The following TMEM64 variants were observed in gnomAD, a reference collection of about 807,000 sequenced individuals.
The protein encoded by TMEM64 is transmembrane protein 64.
In TMEM64, 19 loss-of-function variants were observed where a neutral mutation model predicts 24.5. The observed-to-expected ratio is 0.78, with a 90% CI of 0.54 to 1.14. TMEM64 has a LOEUF of 1.14. Ranked by LOEUF, TMEM64 falls within the 50% of genes most tolerant of loss-of-function variation. TMEM64 has a pLI of 0.00. For synonymous variants in TMEM64, 262 were observed against 224.7 expected, an observed-to-expected ratio of 1.17 and a Z score of -1.49; for missense variants, 487 against 493.0, an observed-to-expected ratio of 0.99 and a Z score of 0.12.
At position 90,626,625 on chromosome 8, in the gene TMEM64, C is replaced by T. The variant is rs375750515; in HGVS notation, c.952-763G>A. On this transcript the variant is annotated intron_variant, in intron 2 of 2. Transcript: ENST00000458549. ...TGTGGTCCCTCTGTACTTTTTTTTTCTTTCTTTTTTTTTTTTTTTTTTTGA... is the reference window on the plus strand; with the variant it reads ...TGTGGTCCCTCTGTACTTTTTTTTTTTTTCTTTTTTTTTTTTTTTTTTTGA... Among the ~76,000 whole-genome samples the T allele has an allele frequency of 1.7e-3, 187 of 112,400 alleles. 1 individual carries two copies. The highest frequency in any genetic ancestry group is 4.2e-3 in the African/African-American group (96 of 22,872). 73.7% of individuals were successfully genotyped at this position (112,400 alleles called of 152,430 possible).
intron 2 of TMEM64, among the ~76,000 whole-genome samples, chr8:90,628,106 A>G (rs1809386595): frequency 6.6e-6 from 1 of 152,192 alleles, no homozygotes; most frequent in Non-Finnish European, 1.5e-5. Context: ...TCCTTAGCTG[A>G]GTGAAGTGTT....
At chr8:90,644,761 T>C (rs1477589916) in intron 1 of TMEM64, among the ~76,000 whole-genome samples, 4 of 152,208 alleles carry the variant, frequency 2.6e-5, no homozygotes, top group Non-Finnish European at 5.9e-5. Context: ...AAAGCTTTCC[T>C]CCCTAAATGT....
Position 90,645,041 on chromosome 8 carries a change from C to G in TMEM64, c.795+70G>C. 1 of 1,503,412 alleles carries G rather than the reference C, an allele frequency of 6.7e-7. No individual in the cohort carries two copies. Among genetic ancestry groups the G allele is most frequent in the Admixed American group, 2.0e-5 (1 of 49,532 alleles). 93.1% of individuals were successfully genotyped at this position (1,503,412 alleles called of 1,614,324 possible). A position where few individuals can be genotyped will look rare whatever the true frequency, so the allele number is the denominator to read the frequency against. On this transcript the variant is annotated intron_variant, in intron 1 of 2. Coordinates refer to ENST00000458549, the MANE Select transcript of TMEM64 (RefSeq NM_001008495.4). This position sits in a 1 kb window ranked among gnomAD's most constrained non-coding sequence, Gnocchi z 4.2. ...GCTGGTATTTATCTGATAGAGCGCC[C>G]TCCTAGGGCCGCCACAAGACCGCTC...
intron 2 of TMEM64, among the ~76,000 whole-genome samples, chr8:90,630,287 G>A (rs975476382): frequency 6.6e-6 from 1 of 152,096 alleles, no homozygotes; most frequent in Admixed American, 6.5e-5. Flanking sequence ...ATGCTATGTA[G>A]TTATTGTAAT....
At chr8:90,630,319 T>C in intron 2 of TMEM64, among the ~76,000 whole-genome samples, 2 of 152,324 alleles carry the variant, frequency 1.3e-5, no homozygotes, top group Middle Eastern at 6.8e-3. Flanking sequence ...CTATTTTTTA[T>C]TGTTGTATTG....
intron 1 of TMEM64, among the ~76,000 whole-genome samples, chr8:90,640,027 A>G (rs577582733): frequency 1.3e-5 from 2 of 152,202 alleles, no homozygotes; most frequent in African/African-American, 2.4e-5. Flanking sequence ...AGGGGAAAAC[A>G]GTTTCAAGGA....
chr8:90,641,419 T>C (rs188135303), intron 1 of TMEM64, among the ~76,000 whole-genome samples: 40 of 152,332 alleles, frequency 2.6e-4, no homozygotes, highest in African/African-American at 9.4e-4. Flanking sequence ...TTGTATGCCA[T>C]ACAAAATTGG....
rs1586123540 is a variant in TMEM64 at position 90,623,171 on chromosome 8, T to C, written c.*2500A>G. ...TCAGAAATTATATATCATTTTTAAG[T>C]GTGCATTAAGCAACTTTATACTGCA... On this transcript the variant is annotated 3_prime_UTR_variant, in exon 3 of 3. Coordinates refer to ENST00000458549, the MANE Select transcript of TMEM64 (RefSeq NM_001008495.4). 6.6e-6 allele frequency: 1 copy of C among 152,178 alleles called. No homozygotes were observed. Among genetic ancestry groups the C allele is most frequent in the Non-Finnish European group, 1.5e-5 (1 of 68,014 alleles). The allele number at this position is 152,178 out of a possible 1,614,324, so 9.4% of individuals were successfully genotyped here. A position where few individuals can be genotyped will look rare whatever the true frequency, so the allele number is the denominator to read the frequency against.
intron 1 of TMEM64, among the ~76,000 whole-genome samples, chr8:90,637,387 A>C (rs971914965): frequency 6.6e-6 from 1 of 152,194 alleles, no homozygotes; most frequent in Non-Finnish European, 1.5e-5. Context: ...TTTACATAGA[A>C]TATCTTGGCA....
At chr8:90,635,819 TAAAATA>T (rs2130504026) in intron 1 of TMEM64, among the ~76,000 whole-genome samples, 1 of 152,376 alleles carries the variant, frequency 6.6e-6, no homozygotes, top group Non-Finnish European at 1.5e-5. Context: ...AAGTTATCTT[TAAAATA>T]AATATCTCAG....
intron 1 of TMEM64, among the ~76,000 whole-genome samples, chr8:90,633,888 T>C (rs952887984): frequency 2.3e-4 from 35 of 152,224 alleles, no homozygotes; most frequent in African/African-American, 8.4e-4. Context: ...ATTTATATAG[T>C]GAGGGCTATC....
chr8:90,645,855 C>T lies in TMEM64; in HGVS notation c.51G>A (p.Gln17=). 3 of 1,131,170 alleles carry T rather than the reference C, an allele frequency of 2.7e-6. No homozygotes were observed. Among genetic ancestry groups the T allele is most frequent in the South Asian group, 8.5e-5 (2 of 23,468 alleles). The allele number at this position is 1,131,170 out of a possible 1,614,324, so 70.1% of individuals were successfully genotyped here. The change falls in exon 1 of 3, where the codon CAG becomes CAA. Residue 17 remains glutamine (Q), a synonymous_variant. Coordinates refer to ENST00000458549, the MANE Select transcript of TMEM64 (RefSeq NM_001008495.4). This position sits in a 1 kb window ranked among gnomAD's most constrained non-coding sequence, Gnocchi z 4.2. Reference sequence around the variant, plus strand: ...CGGCGAGGCCCGGGAGGGCGGCGTGCTGCAGCAGCCGGGGCAGCGCCTGGA... The same window carrying T: ...CGGCGAGGCCCGGGAGGGCGGCGTGTTGCAGCAGCCGGGGCAGCGCCTGGA... The part of the protein sequence containing the change: ...ILLQALPRLL[Q]HAALPGLAEL...
chr8:90,636,595 G>T (rs2130505057), intron 1 of TMEM64, among the ~76,000 whole-genome samples: 2 of 152,254 alleles, frequency 1.3e-5, no homozygotes, highest in Middle Eastern at 6.8e-3. Flanking sequence ...ATTTTACTCA[G>T]AATCTCCATC....
At chr8:90,630,020 T>C (rs754973813) in intron 2 of TMEM64, among the ~76,000 whole-genome samples, 8 of 152,136 alleles carry the variant, frequency 5.3e-5, no homozygotes, top group Non-Finnish European at 1.0e-4. Context: ...ATATACTCAA[T>C]AACAGTTAAG....
rs1051205478 is a variant in TMEM64, at chr8:90,623,910, C to T, written c.*1761G>A. On this transcript the variant is annotated 3_prime_UTR_variant, in exon 3 of 3. Transcript: ENST00000458549. ...GGATTGTTAAACTAAAATCATTAAA[C>T]GAAAACCAGCAACTAGATTCAAAAG... The T allele has an allele frequency of 6.6e-6, 1 of 150,828 alleles. No homozygotes were observed. Among genetic ancestry groups the T allele is most frequent in the Non-Finnish European group, 1.5e-5 (1 of 67,706 alleles). 9.3% of individuals were successfully genotyped at this position (150,828 alleles called of 1,614,324 possible).
rs770656729 is a variant in TMEM64, at chr8:90,625,751, T to A, written c.1063A>T (p.Asn355Tyr). Residue 355 changes from asparagine (N) to tyrosine (Y), a missense_variant, in exon 3 of 3, where the codon AAT becomes TAT. Around this residue, in one of 3 missense-constraint regions of TMEM64, gnomAD observed 58 missense variants for 58.2 expected, o/e 1.00. Coordinates refer to ENST00000458549, the MANE Select transcript of TMEM64 (RefSeq NM_001008495.4). ...MELKSSLVKG[N>Y]QPNTSGSSFY... ...GAAGAGCCACTGGTATTTGGTTGAT[T>A]GCCTTTAACCAGAGAAGATTTCAGT... The A allele has an allele frequency of 1.9e-6, 3 of 1,613,980 alleles. No individual in the cohort carries two copies. The highest frequency in any genetic ancestry group is 2.2e-5 in the South Asian group (2 of 91,082).
chr8:90,629,622 G>C (rs1458462251), intron 2 of TMEM64, among the ~76,000 whole-genome samples: 4 of 151,988 alleles, frequency 2.6e-5, no homozygotes, highest in Non-Finnish European at 5.9e-5. Flanking sequence ...CTGTGCTATA[G>C]ATATAATGCA....
chr8:90,644,368 T>C (rs1331734743), intron 1 of TMEM64, among the ~76,000 whole-genome samples: 1 of 152,208 alleles, frequency 6.6e-6, no homozygotes, highest in Non-Finnish European at 1.5e-5. Flanking sequence ...CTAAATCAGT[T>C]GCATGGAGAT....
chr8:90,631,652 G>T lies in TMEM64; in HGVS notation c.851C>A (p.Pro284His). ...YLMASSVGLL[P>H]TQLLNSYLGT... ...CAAGTAAGAATTCAGAAGCTGGGTA[G>T]GAAGCAGTCCAACCGAAGATGCCAT... is the stretch of plus-strand genomic sequence containing the variant. The change falls in exon 2 of 3, where the codon CCT (proline) becomes CAT (histidine). Residue 284 changes from proline to histidine, a missense_variant. By Grantham distance (77) the Pro-to-His change is moderately conservative. This residue lies in a region of TMEM64 where 419 missense variants were observed against 407.5 expected (regional missense o/e 1.03). Transcript: ENST00000458549. 6.2e-7 allele frequency: 1 copy of T among 1,613,822 alleles called. No individual in the cohort carries two copies.
Sources: allele counts gnomAD v4.1 joint callset (sites outside exome capture counted in the v4.1 genomes callset), GRCh38; gene constraint gnomAD v4.1.1; regional missense constraint gnomAD v4.1.1; non-coding constraint Gnocchi (gnomAD v3.1); transcripts MANE v1.5; gene names NCBI Gene and HGNC (gene_info 2026-07-23, HGNC 2026-07-21).